TRPM3: variants seen among roughly 807,000 people sequenced by gnomAD.
TRPM3 encodes the protein long transient receptor potential channel 3.
Under a neutral mutation model 181.2 loss-of-function variants are expected in TRPM3, and 77 were observed. The observed-to-expected ratio is 0.42, with a 90% CI of 0.35 to 0.51. TRPM3 has a LOEUF of 0.51. Ranked by LOEUF, TRPM3 falls within the 20% of genes least tolerant of loss-of-function variation. The pLI is 0.01. For synonymous variants in TRPM3, 745 were observed against 796.4 expected (o/e 0.94, Z 1.09); for missense variants, 1,759 against 2,196.7 (o/e 0.80, Z 3.98).
intron 1 of TRPM3, among the ~76,000 whole-genome samples, chr9:71,376,101 C>T (rs1406077649): frequency 1.3e-5 from 2 of 151,886 alleles, no homozygotes; most frequent in African/African-American, 4.8e-5. Context: ...TTTCCTTAAG[C>T]AAACAGATCA....
At chr9:71,118,469 G>A (rs755058279) in intron 1 of TRPM3, among the ~76,000 whole-genome samples, 1 of 152,102 alleles carries the variant, frequency 6.6e-6, no homozygotes, top group Non-Finnish European at 1.5e-5. Flanking sequence ...AAATATTAAC[G>A]TGATACCAAA....
chr9:71,387,091 G>A (rs909885311), intron 1 of TRPM3, among the ~76,000 whole-genome samples: 1 of 152,260 alleles, frequency 6.6e-6, no homozygotes, highest in Admixed American at 6.5e-5. Flanking sequence ...GAAAGAGACC[G>A]AGTATGAATA....
intron 9 of TRPM3, among the ~76,000 whole-genome samples, chr9:70,664,402 A>G (rs2061529231): frequency 1.3e-5 from 2 of 152,136 alleles, no homozygotes; most frequent in African/African-American, 4.8e-5. Context: ...TTCTTTTCAG[A>G]CACTTCCCTA....
chr9:71,164,246 GTTTGT>G (rs2076420416), intron 1 of TRPM3, among the ~76,000 whole-genome samples: 1 of 152,160 alleles, frequency 6.6e-6, no homozygotes, highest in Admixed American at 6.5e-5. Context: ...GAATTTACTT[GTTTGT>G]TTTAACAATT....
intron 1 of TRPM3, among the ~76,000 whole-genome samples, chr9:70,926,048 G>T (rs113543844): frequency 6.7e-6 from 1 of 149,918 alleles, no homozygotes; most frequent in Non-Finnish European, 1.5e-5. Context: ...TCCACAATCC[G>T]CAAGTCTCAA....
intron 1 of TRPM3, among the ~76,000 whole-genome samples, chr9:71,356,429 G>A (rs2091900359): frequency 6.6e-6 from 1 of 152,030 alleles, no homozygotes; most frequent in Admixed American, 6.6e-5. Flanking sequence ...AACCCATACA[G>A]AAAACTCAGA....
At chr9:71,388,171 AG>A (rs941766894) in intron 1 of TRPM3, among the ~76,000 whole-genome samples, 11 of 152,338 alleles carry the variant, frequency 7.2e-5, no homozygotes, top group Admixed American at 7.2e-4. Context: ...ATGAGCTAAG[AG>A]GAAAAAACTT....
intron 1 of TRPM3, among the ~76,000 whole-genome samples, chr9:71,401,197 CAAAAAAA>C (rs59425467): frequency 9.4e-6 from 1 of 105,822 alleles, no homozygotes; most frequent in African/African-American, 4.0e-5. Flanking sequence ...GACACCATCG[CAAAAAAA>C]AAAAAAAAAA....
intron 1 of TRPM3, among the ~76,000 whole-genome samples, chr9:70,880,700 A>C (rs928858124): frequency 2.6e-5 from 4 of 152,112 alleles, no homozygotes; most frequent in African/African-American, 9.7e-5. Context: ...TGGCACATCT[A>C]TACTGCTCTG....
chr9:70,972,416 C>T (rs1212371126), intron 1 of TRPM3, among the ~76,000 whole-genome samples: 3 of 152,070 alleles, frequency 2.0e-5, no homozygotes, highest in African/African-American at 7.2e-5. Context: ...ATTAAATGTT[C>T]ACAATAGGCA....
intron 3 of TRPM3, 71 bp from the exon 4 acceptor site, chr9:70,846,662 G>A (rs1478590258): frequency 4.8e-6 from 6 of 1,261,774 alleles, no homozygotes; most frequent in Non-Finnish European, 6.9e-6. Flanking sequence ...TTTACTGATT[G>A]CAATTATATG....
chr9:71,369,681 C>T (rs541915667), intron 1 of TRPM3, among the ~76,000 whole-genome samples: 1 of 152,142 alleles, frequency 6.6e-6, no homozygotes, highest in South Asian at 2.1e-4. Flanking sequence ...CGCGCCCGGC[C>T]GGGAACAGTC....
In TRPM3 at chr9:70,632,952, A is replaced by G. The variant is rs567037028; in HGVS notation, c.1632+2259T>C. ...AAACAATATTGCAAAGCAGAGTCCT[A>G]TGGGGAAAAGAAAGTAATGAGAGGG... On this transcript the variant is annotated intron_variant, in intron 12 of 25. Transcript: ENST00000677713. Among the ~76,000 whole-genome samples the G allele has an allele frequency of 1.1e-4, 16 of 152,336 alleles. No homozygotes were observed. In the South Asian group the frequency reaches 1.9e-3, roughly 18 times the overall value.
intron 7 of TRPM3, chr9:70,783,816 G>A (rs888824881): frequency 6.8e-5 from 71 of 1,042,748 alleles, no homozygotes; most frequent in Non-Finnish European, 7.9e-5. Context: ...GGAGGAGAAG[G>A]AGATACGAAG....
intron 1 of TRPM3, among the ~76,000 whole-genome samples, chr9:71,256,160 G>A (rs1434235588): frequency 6.6e-6 from 1 of 152,196 alleles, no homozygotes; most frequent in Non-Finnish European, 1.5e-5. Context: ...CTCAACATTT[G>A]ATTGGAGAGC....
At chr9:71,152,016 C>T (rs1408973069) in intron 1 of TRPM3, among the ~76,000 whole-genome samples, 1 of 151,994 alleles carries the variant, frequency 6.6e-6, no homozygotes, top group Non-Finnish European at 1.5e-5. Flanking sequence ...AGAACCCTGG[C>T]TTGTTTTTCA....
chr9:70,753,630 T>C (rs1006305040), intron 8 of TRPM3, among the ~76,000 whole-genome samples: 18 of 152,130 alleles, frequency 1.2e-4, no homozygotes, highest in African/African-American at 4.1e-4. Flanking sequence ...ATTTTGAACA[T>C]GTTTTTACAC....
At chr9:71,136,709 C>T (rs111615445) in intron 1 of TRPM3, among the ~76,000 whole-genome samples, 159 of 152,212 alleles carry the variant, frequency 1.0e-3, no homozygotes, top group African/African-American at 3.7e-3. Flanking sequence ...ACAGTAGCCT[C>T]AGGGAGACGT....
At chr9:71,042,315 T>G (rs1565053397) in intron 1 of TRPM3, among the ~76,000 whole-genome samples, 1 of 152,228 alleles carries the variant, frequency 6.6e-6, no homozygotes. Context: ...TTTTCTTCAA[T>G]GTTTACATAT....
Sources: gnomAD v4.1 joint callset for allele counts (sites outside exome capture counted in the v4.1 genomes callset) on GRCh38, gnomAD v4.1.1 for gene constraint, MANE v1.5 for transcripts, NCBI Gene and HGNC (gene_info 2026-07-23, HGNC 2026-07-21) for gene names.